ADAMTS12: variants seen among roughly 807,000 people sequenced by gnomAD.
ADAMTS12 encodes A disintegrin and metalloproteinase with thrombospondin motifs 12.
In ADAMTS12, 118 loss-of-function variants were observed where a neutral mutation model predicts 167.8. The ratio of observed to expected loss-of-function variants is 0.70; its 90% CI spans 0.61 to 0.82. ADAMTS12 has a LOEUF of 0.82. ADAMTS12 is among the 40% of genes least tolerant of loss of function. The probability of loss-of-function intolerance (pLI) is 0.00; values close to 1 mark genes in which losing one functional copy is unlikely to be tolerated. For missense variants in ADAMTS12, 1,916 were observed against 1,998.8 expected (o/e 0.96, Z 0.79); for synonymous variants, 704 against 716.9 (o/e 0.98, Z 0.29).
intron 2 of ADAMTS12, among the ~76,000 whole-genome samples, chr5:33,822,352 A>G (rs1361860274): frequency 6.6e-6 from 1 of 152,170 alleles, no homozygotes; most frequent in Non-Finnish European, 1.5e-5. Context: ...CAGAGCATGC[A>G]AGCACAGCCC....
Position 33,608,972 on chromosome 5 carries a change from C to T in ADAMTS12, c.2527+5266G>A, listed in dbSNP as rs139359424. The stretch of plus-strand genomic sequence containing the variant: ...GGATGAGAGCATTCATTTCTAAGTA[C>T]TGTCTAGAGATTTCACTTCCTCCCC... On this transcript the variant is annotated intron_variant, in intron 16 of 23. Transcript: ENST00000504830. 3.8e-3 allele frequency among the ~76,000 whole-genome samples: 575 copies of T among 152,272 alleles called. 1 individual carries two copies. The highest frequency in any genetic ancestry group is 0.013 in the African/African-American group (541 of 41,536).
intron 14 of ADAMTS12, among the ~76,000 whole-genome samples, chr5:33,621,800 G>C (rs1015220662): frequency 4.6e-5 from 7 of 152,206 alleles, no homozygotes; most frequent in African/African-American, 1.7e-4. Flanking sequence ...TAGGTGTCTG[G>C]TTCAGATACA....
At chr5:33,617,746 G>C (rs1387663197) in intron 14 of ADAMTS12, among the ~76,000 whole-genome samples, 1 of 151,832 alleles carries the variant, frequency 6.6e-6, no homozygotes, top group Non-Finnish European at 1.5e-5. Context: ...ATGAAATACT[G>C]TGTCTACCAC....
chr5:33,705,051 C>T (rs1743141633), intron 3 of ADAMTS12, among the ~76,000 whole-genome samples: 1 of 151,552 alleles, frequency 6.6e-6, no homozygotes, highest in Admixed American at 6.6e-5. Context: ...TTTATTCCTT[C>T]CCTGTCTACC....
At chr5:33,624,155 C>G in intron 14 of ADAMTS12, 76 bp downstream of exon 14, 33 of 1,588,090 alleles carry the variant, frequency 2.1e-5, no homozygotes, top group Non-Finnish European at 2.7e-5. Context: ...AAAACAAAAA[C>G]TAGGAACCAA....
chr5:33,650,199 G>A (rs59536722), intron 7 of ADAMTS12, among the ~76,000 whole-genome samples: 6,984 of 152,238 alleles, frequency 0.046, 559 homozygotes, highest in African/African-American at 0.16. Context: ...ATTGCTACAG[G>A]AGTCCTCCTA....
At chr5:33,637,293 C>T (rs185110470) in intron 12 of ADAMTS12, among the ~76,000 whole-genome samples, 15 of 152,284 alleles carry the variant, frequency 9.9e-5, no homozygotes, top group Admixed American at 5.2e-4. Flanking sequence ...CCTACATGTC[C>T]TATTAATGGC....
At chr5:33,575,936 C>A in intron 19 of ADAMTS12, 118 bp downstream of exon 19, 4 of 1,430,180 alleles carry the variant, frequency 2.8e-6, no homozygotes, top group Non-Finnish European at 3.7e-6. Flanking sequence ...TGATTGCTTC[C>A]TTTTGTTTTC....
At chr5:33,602,609 A>G (rs10521005) in intron 16 of ADAMTS12, among the ~76,000 whole-genome samples, 84,516 of 152,022 alleles carry the variant, frequency 0.56, 23,592 homozygotes, top group Middle Eastern at 0.63. Context: ...TCTGACTCTG[A>G]GTTTCCAAAG....
At chr5:33,626,626 G>A (rs1314903022) in intron 13 of ADAMTS12, among the ~76,000 whole-genome samples, 1 of 149,934 alleles carries the variant, frequency 6.7e-6, no homozygotes, top group African/African-American at 2.4e-5. Context: ...GGTGACGGTG[G>A]TGGTGATTTG....
chr5:33,744,748 C>T (rs747070483), intron 3 of ADAMTS12, among the ~76,000 whole-genome samples: 1 of 152,146 alleles, frequency 6.6e-6, no homozygotes, highest in African/African-American at 2.4e-5. Flanking sequence ...CCACCCTCAC[C>T]AGGGGTTTAC....
chr5:33,782,390 G>A (rs1218057029), intron 2 of ADAMTS12, among the ~76,000 whole-genome samples: 1 of 151,896 alleles, frequency 6.6e-6, no homozygotes, highest in Admixed American at 6.6e-5. Context: ...AACAGAAGAA[G>A]AAAAAGACAT....
intron 3 of ADAMTS12, among the ~76,000 whole-genome samples, chr5:33,734,038 CACACACAG>C (rs1212574815): frequency 8.2e-6 from 1 of 121,862 alleles, no homozygotes; most frequent in Non-Finnish European, 1.8e-5. Context: ...CACACACACA[CACACACAG>C]AGTAAGCTCT....
Position 33,588,661 on chromosome 5 carries a change from G to A in ADAMTS12, c.2803C>T (p.Leu935Phe). ...DCQHLLKPKTLLSCNRDILCP... is the reference protein window; with the variant it reads ...DCQHLLKPKTFLSCNRDILCP... ...AGGATGTCTCTGTTGCAGGAAAGGA[G>A]GGTCTTGGGCTTCAGCAGGTGCTGG... The change falls in exon 18 of 24, where the codon CTC (leucine) becomes TTC (phenylalanine). Residue 935 changes from leucine (L) to phenylalanine (F), a missense_variant. Leu to Phe is a conservative substitution (Grantham distance 22). Coordinates refer to ENST00000504830, the MANE Select transcript of ADAMTS12 (RefSeq NM_030955.4). 3 of 1,614,150 alleles carry A rather than the reference G, an allele frequency of 1.9e-6. No homozygotes were observed. Among genetic ancestry groups the A allele is most frequent in the South Asian group, 1.1e-5 (1 of 91,078 alleles).
intron 2 of ADAMTS12, among the ~76,000 whole-genome samples, chr5:33,819,536 G>C (rs1262593929): frequency 2.0e-5 from 3 of 151,758 alleles, no homozygotes; most frequent in Non-Finnish European, 4.4e-5. Flanking sequence ...TCTCGGTTTT[G>C]CTTTAGCTAT....
chr5:33,649,602 G>C lies in ADAMTS12; in HGVS notation c.1286C>G (p.Pro429Arg). ...CTCGCTGCACTTGGACCATGTCAGCGGAGTGGGATCGTACTGGAGCTGGCG... is the reference window on the plus strand; with the variant it reads ...CTCGCTGCACTTGGACCATGTCAGCCGAGTGGGATCGTACTGGAGCTGGCG... The part of the protein sequence containing the change: ...MSRQLQYDPT[P>R]LTWSKCSEEY... The change falls in exon 8 of 24, where the codon CCG (proline) becomes CGG (arginine). Residue 429 changes from proline to arginine, a missense_variant. Transcript: ENST00000504830. 6 of 1,614,060 alleles carry C rather than the reference G, an allele frequency of 3.7e-6. No homozygotes were observed. Among genetic ancestry groups the C allele is most frequent in the Non-Finnish European group, 5.1e-6 (6 of 1,179,916 alleles).
chr5:33,576,945 G>C lies in ADAMTS12; in HGVS notation c.3081C>G (p.Ser1027=). ...PTLKPVPPPT[S]RPRMLTTPTG... The stretch of plus-strand genomic sequence containing the variant: ...TGGGTGTGGTCAGCATTCTGGGCCT[G>C]GATGTAGGTGGAGGGACGGGCTTTA... The change falls in exon 19 of 24, where the codon TCC becomes TCG. Residue 1027 remains serine (S), a synonymous_variant. Transcript: ENST00000504830. The C allele has an allele frequency of 6.2e-7, 1 of 1,614,196 alleles. No individual in the cohort carries two copies. The highest frequency in any genetic ancestry group is 8.5e-7 in the Non-Finnish European group (1 of 1,180,040).
At chr5:33,616,390 A>G (rs1386138454) in intron 14 of ADAMTS12, among the ~76,000 whole-genome samples, 4 of 152,068 alleles carry the variant, frequency 2.6e-5, no homozygotes, top group African/African-American at 9.7e-5. Flanking sequence ...ATACTTCAAA[A>G]CCCTAAAGCT....
chr5:33,567,955 C>T (rs896301295), intron 19 of ADAMTS12, among the ~76,000 whole-genome samples: 5 of 152,178 alleles, frequency 3.3e-5, no homozygotes, highest in Admixed American at 6.5e-5. Flanking sequence ...CAGGTATGTA[C>T]GATTCTGGCC....
Sources: gnomAD v4.1 joint callset for allele counts (sites outside exome capture counted in the v4.1 genomes callset) on GRCh38, gnomAD v4.1.1 for gene constraint, MANE v1.5 for transcripts, NCBI Gene and HGNC (gene_info 2026-07-23, HGNC 2026-07-21) for gene names.